TANC2: variants seen among roughly 807,000 people sequenced by gnomAD.
TANC2 encodes tetratricopeptide repeat, ankyrin repeat and coiled-coil containing 2, also known as protein TANC2.
In TANC2, 26 loss-of-function variants were observed where a neutral mutation model predicts 210.5. The ratio of observed to expected loss-of-function variants is 0.12; its 90% CI spans 0.09 to 0.17. The LOEUF (loss-of-function observed/expected upper bound fraction) is 0.17. TANC2 is among the 10% of genes least tolerant of loss of function. The pLI is 1.00. For missense variants in TANC2, 2,129 were observed against 2,608.9 expected (o/e 0.82, Z 4.01); for synonymous variants, 931 against 967.1 (o/e 0.96, Z 0.69).
At chr17:63,319,214 A>G in intron 11 of TANC2, 124 bp downstream of exon 11, 1 of 1,004,948 alleles carries the variant, frequency 1.0e-6, no homozygotes, top group African/African-American at 1.6e-5. Context: ...AACGTGGAGG[A>G]AAGTTTCTCT....
At chr17:63,186,152 C>T (rs1393382793) in intron 5 of TANC2, among the ~76,000 whole-genome samples, 1 of 152,120 alleles carries the variant, frequency 6.6e-6, no homozygotes, top group Non-Finnish European at 1.5e-5. Flanking sequence ...TACTTGAAAA[C>T]ACTCTCATGT....
intron 14 of TANC2, among the ~76,000 whole-genome samples, chr17:63,372,893 C>CTTTTTTTTTTTTTT: frequency 8.6e-6 from 1 of 115,940 alleles, no homozygotes; most frequent in Non-Finnish European, 1.7e-5. Context: ...TGATTACCAT[C>CTTTTTTTTTTTTTT]TTTTTTTTTT....
chr17:63,312,409 T>G (rs1474860970), intron 9 of TANC2, among the ~76,000 whole-genome samples: 1 of 152,218 alleles, frequency 6.6e-6, no homozygotes, highest in Non-Finnish European at 1.5e-5. Flanking sequence ...TCATGTCCTT[T>G]GCAGGATCAT....
intron 2 of TANC2, among the ~76,000 whole-genome samples, chr17:63,045,868 T>C (rs1481752031): frequency 6.6e-6 from 1 of 152,154 alleles, no homozygotes; most frequent in East Asian, 1.9e-4. Context: ...CTTGAACTCC[T>C]GGGCTCAAGT....
At chr17:63,085,949 T>G (rs548372038) in intron 3 of TANC2, among the ~76,000 whole-genome samples, 25 of 152,202 alleles carry the variant, frequency 1.6e-4, no homozygotes, top group African/African-American at 5.8e-4. Flanking sequence ...GGCAACAAAT[T>G]TTCTGTTTTT....
chr17:63,426,953 C>T (rs970563618), exon 28 of TANC2: 4 of 152,156 alleles, frequency 2.6e-5, no homozygotes, highest in African/African-American at 9.7e-5. Flanking sequence ...AATGTACCTG[C>T]CTTATTGCAT....
chr17:63,397,445 T>C (rs1467091406), intron 18 of TANC2, among the ~76,000 whole-genome samples: 1 of 152,258 alleles, frequency 6.6e-6, no homozygotes, highest in Non-Finnish European at 1.5e-5. Context: ...CCCAGTTTGC[T>C]CTTTTCTCAA....
At chr17:63,003,159 G>A (rs1445305642) in intron 1 of TANC2, among the ~76,000 whole-genome samples, 2 of 152,104 alleles carry the variant, frequency 1.3e-5, no homozygotes, top group Admixed American at 6.6e-5. Flanking sequence ...TAGCTCTTCT[G>A]GTGGGAGTAT....
At chr17:63,413,439 T>G in intron 24 of TANC2, 104 bp from the exon 25 acceptor site, 1 of 800,532 alleles carries the variant, frequency 1.2e-6, no homozygotes, top group Non-Finnish European at 2.0e-6. Context: ...TGGAGCAAGT[T>G]GTTCTCTCAG....
intron 14 of TANC2, 44 bp from the exon 15 acceptor site, chr17:63,379,674 A>G (rs1166143145): frequency 1.4e-6 from 2 of 1,463,482 alleles, no homozygotes; most frequent in Non-Finnish European, 1.9e-6. Context: ...ATCTCAATAA[A>G]TAAATAAATT....
At chr17:63,292,295 T>C (rs1251739031) in intron 9 of TANC2, among the ~76,000 whole-genome samples, 1 of 152,006 alleles carries the variant, frequency 6.6e-6, no homozygotes. Flanking sequence ...CAGGAGTCAT[T>C]AAAGATATAT....
At chr17:63,123,284 G>A (rs1470770671) in intron 4 of TANC2, among the ~76,000 whole-genome samples, 1 of 152,076 alleles carries the variant, frequency 6.6e-6, no homozygotes, top group Admixed American at 6.5e-5. Context: ...TGGGCCAGGC[G>A]CGGTGGCTCA....
intron 2 of TANC2, among the ~76,000 whole-genome samples, chr17:63,020,295 A>AT (rs954277663): frequency 2.6e-5 from 4 of 152,038 alleles, no homozygotes; most frequent in Admixed American, 6.6e-5. Context: ...AGTCCAATTT[A>AT]TTGTTTTATT....
chr17:62,968,340 C>T (rs1403465318), intron 1 of TANC2, among the ~76,000 whole-genome samples: 1 of 152,206 alleles, frequency 6.6e-6, no homozygotes, highest in East Asian at 1.9e-4. Flanking sequence ...ATGCTGTTCT[C>T]ATTATAGTAA....
At chr17:63,383,153 A>G (rs1219697002) in intron 15 of TANC2, among the ~76,000 whole-genome samples, 2 of 152,180 alleles carry the variant, frequency 1.3e-5, no homozygotes, top group Non-Finnish European at 2.9e-5. Flanking sequence ...TATTATTAAC[A>G]TCTTGTACTG....
chr17:63,344,117 G>A (rs2046324977), intron 12 of TANC2, among the ~76,000 whole-genome samples: 1 of 152,176 alleles, frequency 6.6e-6, no homozygotes, highest in Non-Finnish European at 1.5e-5. Flanking sequence ...TCCGCCTTCT[G>A]TCAGATCAGC....
intron 1 of TANC2, among the ~76,000 whole-genome samples, chr17:63,002,160 A>C (rs990767975): frequency 6.6e-6 from 1 of 152,142 alleles, no homozygotes. Context: ...CTCCCCTGGA[A>C]TTAAGGAAGC....
At position 63,276,961 on chromosome 17, in the gene TANC2, C is replaced by T. The variant is rs2043895454; in HGVS notation, c.1159+9088C>T. Among the ~76,000 whole-genome samples, 3 of 152,140 alleles carry T rather than the reference C, an allele frequency of 2.0e-5. No individual in the cohort carries two copies. The South Asian group carries it at 6.2e-4, about 32-fold the overall frequency. On this transcript the variant is annotated intron_variant, in intron 9 of 27. Coordinates refer to ENST00000689528, the Ensembl canonical transcript of TANC2. ...GCAGTACATTGGCTTATGGTAGATACTCTGTACTCTGCGGTATTGGAGATG... is the reference window on the plus strand; with the variant it reads ...GCAGTACATTGGCTTATGGTAGATATTCTGTACTCTGCGGTATTGGAGATG...
At chr17:63,376,780 C>T (rs1042369677) in intron 14 of TANC2, among the ~76,000 whole-genome samples, 3 of 148,518 alleles carry the variant, frequency 2.0e-5, no homozygotes, top group Non-Finnish European at 3.0e-5. Context: ...AGGGTTCTTT[C>T]GAACTCATAA....
Sources: gnomAD v4.1 joint callset for allele counts (sites outside exome capture counted in the v4.1 genomes callset) on GRCh38, gnomAD v4.1.1 for gene constraint, MANE v1.5 for transcripts, NCBI Gene and HGNC (gene_info 2026-07-23, HGNC 2026-07-21) for gene names.